The following DNAH14 variants were observed in gnomAD, a reference collection of about 807,000 sequenced individuals.
The protein encoded by DNAH14 is axonemal beta dynein heavy chain 14.
In DNAH14, 478 loss-of-function variants were observed where a neutral mutation model predicts 520.9. The observed-to-expected ratio is 0.92, with a 90% CI of 0.85 to 0.99. The LOEUF (loss-of-function observed/expected upper bound fraction) is 0.99. DNAH14 is among the 50% of genes least tolerant of loss of function. The pLI is 0.00. For missense variants in DNAH14, 4,831 were observed against 5,234.5 expected, an observed-to-expected ratio of 0.92 and a Z score of 2.38; for synonymous variants, 1,581 against 1,757.2, an observed-to-expected ratio of 0.90 and a Z score of 2.51.
At chr1:225,225,335 TATC>T (rs1346181107) in intron 41 of DNAH14, among the ~76,000 whole-genome samples, 1 of 152,204 alleles carries the variant, frequency 6.6e-6, no homozygotes, top group Admixed American at 6.5e-5. Flanking sequence ...CTTAATTAGT[TATC>T]ATGCTCTTCC....
intron 1 of DNAH14, among the ~76,000 whole-genome samples, chr1:224,932,553 C>T (rs1381572294): frequency 6.6e-6 from 1 of 151,030 alleles, no homozygotes; most frequent in Non-Finnish European, 1.5e-5. Flanking sequence ...AGAGTTTTCC[C>T]TAGTTTTGGA....
intron 49 of DNAH14, among the ~76,000 whole-genome samples, chr1:225,268,169 G>T (rs372213671): frequency 6.6e-6 from 1 of 151,660 alleles, no homozygotes; most frequent in African/African-American, 2.4e-5. Flanking sequence ...TTTTTGTTTC[G>T]TTTTGTTTTT....
rs11582580 is a variant in DNAH14, at chr1:225,394,445, T to C, written c.13491+1994T>C. Among the ~76,000 whole-genome samples the C allele has an allele frequency of 9.7e-3, 1,476 of 152,346 alleles. 15 individuals are homozygous for C. Among genetic ancestry groups the C allele is most frequent in the South Asian group, 0.029 (139 of 4,828 alleles). On this transcript the variant is annotated intron_variant, in intron 84 of 85. Transcript: ENST00000682510. ...TATTTAGGGTTAATGCTTTTTTATGTTCTGTTTAAGAAATCTTTGCCTACC... is the reference window on the plus strand; with the variant it reads ...TATTTAGGGTTAATGCTTTTTTATGCTCTGTTTAAGAAATCTTTGCCTACC...
Position 225,337,446 on chromosome 1 carries a change from A to G in DNAH14, c.10261A>G (p.Thr3421Ala). The G allele has an allele frequency of 6.4e-7, 1 of 1,551,840 alleles. No individual in the cohort carries two copies. The highest frequency in any genetic ancestry group is 8.7e-7 in the Non-Finnish European group (1 of 1,147,008). Residue 3421 changes from threonine to alanine, a missense_variant, in exon 67 of 86, where the codon ACC (threonine) becomes GCC (alanine). By Grantham distance (58) the Thr-to-Ala change is moderately conservative. Transcript: ENST00000682510. ...QKLSIEDSNY[T>A]KKIENAMKTG... Reference sequence around the variant, plus strand: ...GCTCTCCATTGAAGACAGCAATTATACCAAAAAAATTGAAAATGCTATGAA... The same window carrying G: ...GCTCTCCATTGAAGACAGCAATTATGCCAAAAAAATTGAAAATGCTATGAA...
intron 1 of DNAH14, among the ~76,000 whole-genome samples, chr1:224,933,129 T>C (rs2058801093): frequency 1.3e-5 from 2 of 152,148 alleles, no homozygotes; most frequent in South Asian, 4.1e-4. Flanking sequence ...TAGTTTTCTA[T>C]GTAGAGATCT....
intron 60 of DNAH14, among the ~76,000 whole-genome samples, chr1:225,311,677 AT>A (rs371513990): frequency 1.8e-4 from 27 of 151,990 alleles, no homozygotes; most frequent in African/African-American, 6.5e-4. Context: ...TAGCTAGCCA[AT>A]TTTCCCAACA....
At chr1:225,153,925 G>A (rs953484934) in intron 34 of DNAH14, 99 bp downstream of exon 34, 143 of 847,244 alleles carry the variant, frequency 1.7e-4, no homozygotes, top group Admixed American at 4.0e-4. Context: ...AAAACAGGGA[G>A]CCCCGCAGAC....
chr1:225,208,915 G>T (rs993225162), intron 41 of DNAH14, among the ~76,000 whole-genome samples: 1 of 152,084 alleles, frequency 6.6e-6, no homozygotes. Context: ...TGATATTGTG[G>T]TTTTTATTTC....
At chr1:225,378,068 C>A (rs953821784) in intron 79 of DNAH14, among the ~76,000 whole-genome samples, 2 of 151,924 alleles carry the variant, frequency 1.3e-5, no homozygotes, top group Non-Finnish European at 2.9e-5. Flanking sequence ...ATTGGGGTCA[C>A]AAGACTGACC....
intron 62 of DNAH14, among the ~76,000 whole-genome samples, chr1:225,323,458 G>A (rs74389315): frequency 7.7e-6 from 1 of 129,794 alleles, no homozygotes; most frequent in Non-Finnish European, 1.7e-5. Flanking sequence ...TTTTGTTGTT[G>A]TTTTGTTTTG....
chr1:225,257,354 A>G (rs2092773454), intron 44 of DNAH14, among the ~76,000 whole-genome samples: 1 of 152,188 alleles, frequency 6.6e-6, no homozygotes, highest in Non-Finnish European at 1.5e-5. Context: ...TGCTTCTCCA[A>G]TACATGCGAC....
chr1:225,255,873 A>T (rs1231980091), intron 44 of DNAH14, among the ~76,000 whole-genome samples: 1 of 152,190 alleles, frequency 6.6e-6, no homozygotes, highest in Non-Finnish European at 1.5e-5. Context: ...TTAAAAGCTG[A>T]CACAATTTGA....
intron 38 of DNAH14, among the ~76,000 whole-genome samples, chr1:225,194,339 A>C (rs1187836191): frequency 6.6e-6 from 1 of 152,174 alleles, no homozygotes; most frequent in African/African-American, 2.4e-5. Context: ...GTAGAGCAGA[A>C]TAGCCCAGAA....
At chr1:225,008,290 T>C (rs373085300) in intron 10 of DNAH14, among the ~76,000 whole-genome samples, 101 of 152,322 alleles carry the variant, frequency 6.6e-4, no homozygotes, top group South Asian at 6.0e-3. Flanking sequence ...TTCCATGGTG[T>C]ATATGTGCCA....
Position 225,364,799 on chromosome 1 carries a change from A to G in DNAH14, c.11995A>G (p.Ser3999Gly). 6.5e-7 allele frequency: 1 copy of G among 1,531,368 alleles called. No individual in the cohort carries two copies. The highest frequency in any genetic ancestry group is 1.3e-5 in the South Asian group (1 of 79,276). 94.9% of individuals were successfully genotyped at this position (1,531,368 alleles called of 1,614,324 possible). A position where few individuals can be genotyped will look rare whatever the true frequency, so the allele number is the denominator to read the frequency against. Residue 3999 changes from serine to glycine, a missense_variant, in exon 76 of 86, where the codon AGT (serine) becomes GGT (glycine). Ser to Gly is a moderately conservative substitution (Grantham distance 56). Coordinates refer to ENST00000682510, the MANE Select transcript of DNAH14 (RefSeq NM_001367479.1). Reference protein sequence around the residue: ...RLCTIVESFNSPNVTIDPEFR... With the variant: ...RLCTIVESFNGPNVTIDPEFR... ...AAATTTTTTATTTTGCAGTTTTAATAGTCCAAACGTGACAATAGACCCTGA... is the reference window on the plus strand; with the variant it reads ...AAATTTTTTATTTTGCAGTTTTAATGGTCCAAACGTGACAATAGACCCTGA...
intron 79 of DNAH14, among the ~76,000 whole-genome samples, chr1:225,379,688 C>T (rs2095755259): frequency 1.3e-5 from 2 of 152,040 alleles, no homozygotes; most frequent in Non-Finnish European, 2.9e-5. Context: ...CCATGCCTGG[C>T]TAACTTTTGT....
chr1:225,300,847 T>C, intron 55 of DNAH14, 22 bp from the exon 56 acceptor site: 1 of 1,547,734 alleles, frequency 6.5e-7, no homozygotes, highest in Non-Finnish European at 8.7e-7. Context: ...CTCTTCCTCA[T>C]TAAATATGTG....
intron 81 of DNAH14, among the ~76,000 whole-genome samples, chr1:225,383,954 T>A (rs1575131727): frequency 6.6e-6 from 1 of 152,312 alleles, no homozygotes; most frequent in African/African-American, 2.4e-5. Context: ...TTTTCATTGG[T>A]TTCAAAGAAC....
At chr1:225,332,711 T>G (rs1004237666) in intron 65 of DNAH14, among the ~76,000 whole-genome samples, 2 of 152,028 alleles carry the variant, frequency 1.3e-5, no homozygotes, top group Non-Finnish European at 2.9e-5. Context: ...CTGTCCTGCT[T>G]TGGCTGGGCA....
Sources: allele counts gnomAD v4.1 joint callset (sites outside exome capture counted in the v4.1 genomes callset), GRCh38; gene constraint gnomAD v4.1.1; transcripts MANE v1.5; gene names NCBI Gene and HGNC (gene_info 2026-07-23, HGNC 2026-07-21).